Variants in ZW10 observed in about 807,000 individuals in gnomAD.
The protein encoded by ZW10 is centromere/kinetochore protein zw10 homolog.
In ZW10, 53 loss-of-function variants were observed where a neutral mutation model predicts 87.8. The ratio of observed to expected loss-of-function variants is 0.60; its 90% CI spans 0.48 to 0.76. The LOEUF is 0.76. Among genes scored for constraint, ZW10 ranks in the 30% least tolerant of loss-of-function variants. The probability of loss-of-function intolerance (pLI) is 0.00; values close to 1 mark genes in which losing one functional copy is unlikely to be tolerated. For missense variants in ZW10, 837 were observed against 923.0 expected (o/e 0.91, Z 1.21); for synonymous variants, 312 against 329.2 (o/e 0.95, Z 0.57).
At chr11:113,737,366 C>T (rs1953565067) in intron 14 of ZW10, among the ~76,000 whole-genome samples, 1 of 151,504 alleles carries the variant, frequency 6.6e-6, no homozygotes, top group African/African-American at 2.4e-5. Context: ...AGATGGTAGG[C>T]TGAGAAATAG....
chr11:113,766,822 G>C (rs562937858), intron 2 of ZW10, among the ~76,000 whole-genome samples: 1 of 149,824 alleles, frequency 6.7e-6, no homozygotes, highest in Non-Finnish European at 1.5e-5. Context: ...TTTGAGACTA[G>C]TCTGGCCAAC....
intron 7 of ZW10, among the ~76,000 whole-genome samples, chr11:113,750,407 G>A (rs543181517): frequency 6.6e-5 from 10 of 151,872 alleles, no homozygotes; most frequent in South Asian, 2.1e-4. Flanking sequence ...GGGTTCAAGC[G>A]ATTCTCCTTC....
chr11:113,747,994 T>C (rs949166669), intron 8 of ZW10, among the ~76,000 whole-genome samples: 10 of 151,980 alleles, frequency 6.6e-5, no homozygotes, highest in African/African-American at 1.2e-4. Context: ...AAGCAAAAAG[T>C]AAAATGTCAC....
rs1953576534 is a variant in ZW10 at position 113,738,391 on chromosome 11, G to A, written c.1757C>T (p.Thr586Ile). Residue 586 changes from threonine to isoleucine, a missense_variant, in exon 13 of 16, where the codon ACA (threonine) becomes ATA (isoleucine). Transcript: ENST00000200135. Reference sequence around the variant, plus strand: ...CCGCATTTGGGCCAAAAAGCATTCTGTCCCTATGATGGAAAAACAGAATAA... The same window carrying A: ...CCGCATTTGGGCCAAAAAGCATTCTATCCCTATGATGGAAAAACAGAATAA... ...DLVPGFRRLG[T>I]ECFLAQMRAQ... 6.2e-7 allele frequency: 1 copy of A among 1,609,826 alleles called. No homozygotes were observed. Among genetic ancestry groups the A allele is most frequent in the East Asian group, 2.2e-5 (1 of 44,766 alleles).
chr11:113,754,789 C>T (rs1018965818), intron 7 of ZW10, among the ~76,000 whole-genome samples: 6 of 151,934 alleles, frequency 3.9e-5, no homozygotes, highest in Admixed American at 1.3e-4. Context: ...GGCCAGGTAT[C>T]GCTATGTTAC....
chr11:113,770,537 C>T (rs1404247335), intron 1 of ZW10: 1 of 151,834 alleles, frequency 6.6e-6, no homozygotes, highest in Non-Finnish European at 1.5e-5. Flanking sequence ...AATGATGCAT[C>T]CCGGCATTGT....
At chr11:113,756,750 C>T (rs1274050044) in intron 7 of ZW10, among the ~76,000 whole-genome samples, 1 of 152,176 alleles carries the variant, frequency 6.6e-6, no homozygotes, top group African/African-American at 2.4e-5. Context: ...TGGACCAAAT[C>T]ATCTCTCCAA....
At chr11:113,736,883 G>A in intron 14 of ZW10, 61 bp from the exon 15 acceptor site, 1 of 1,530,618 alleles carries the variant, frequency 6.5e-7, no homozygotes, top group Non-Finnish European at 9.0e-7. Flanking sequence ...AGTGGGGAAA[G>A]GGCAGCAGAT....
intron 3 of ZW10, 64 bp from the exon 4 acceptor site, chr11:113,760,654 T>C: frequency 7.2e-7 from 1 of 1,386,168 alleles, no homozygotes; most frequent in Non-Finnish European, 1.0e-6. Context: ...TTTTAAACAT[T>C]AAGAAATGCT....
chr11:113,752,828 GAA>G (rs764160042), intron 7 of ZW10, among the ~76,000 whole-genome samples: 3 of 152,144 alleles, frequency 2.0e-5, no homozygotes, highest in Admixed American at 6.5e-5. Context: ...GTGTTCAAGT[GAA>G]AGAGTCACAC....
chr11:113,737,752 G>T, intron 13 of ZW10, 49 bp from the exon 14 acceptor site: 1 of 1,536,690 alleles, frequency 6.5e-7, no homozygotes, highest in Non-Finnish European at 8.8e-7. Flanking sequence ...ACTGTGACTC[G>T]TATTTTCCAG....
chr11:113,739,465 G>T, intron 11 of ZW10, 83 bp from the exon 12 acceptor site: 1 of 1,237,426 alleles, frequency 8.1e-7, no homozygotes, highest in Non-Finnish European at 1.1e-6. Context: ...CTTCTCTAAT[G>T]TATTTCTAGG....
At chr11:113,756,210 G>A (rs1953783321) in intron 7 of ZW10, among the ~76,000 whole-genome samples, 1 of 152,120 alleles carries the variant, frequency 6.6e-6, no homozygotes, top group Admixed American at 6.5e-5. Flanking sequence ...CAGAGAAAAA[G>A]CCATGCAAAG....
intron 1 of ZW10, among the ~76,000 whole-genome samples, chr11:113,771,918 C>T (rs113762379): frequency 1.1e-4 from 16 of 152,178 alleles, no homozygotes; most frequent in Non-Finnish European, 1.9e-4. Context: ...CAAATTCCTA[C>T]GTAGTAAAGA....
rs752841384 is a variant in ZW10 at position 113,738,249 on chromosome 11, G to C, written c.1884+15C>G. The C allele has an allele frequency of 6.3e-7, 1 of 1,585,810 alleles. No individual in the cohort carries two copies. ...GGATAGAATACAAATTTCAGTGCTA[G>C]CAAGAGCCTCCTACCTGCCGGACTG... On this transcript the variant is annotated intron_variant, in intron 13 of 15. Transcript: ENST00000200135.
At chr11:113,770,511 A>C (rs1953953070) in intron 1 of ZW10, 1 of 151,854 alleles carries the variant, frequency 6.6e-6, no homozygotes, top group African/African-American at 2.4e-5. Flanking sequence ...CAACAGTTAA[A>C]GCCATTGTTT....
chr11:113,755,573 A>T (rs191033602), intron 7 of ZW10, among the ~76,000 whole-genome samples: 2 of 152,348 alleles, frequency 1.3e-5, no homozygotes, highest in African/African-American at 4.8e-5. Context: ...ACAACAAAGG[A>T]TTTAGAACAG....
chr11:113,760,667 C>T, intron 3 of ZW10, 77 bp from the exon 4 acceptor site: 3 of 1,270,508 alleles, frequency 2.4e-6, no homozygotes, highest in South Asian at 2.7e-5. Flanking sequence ...GAAATGCTCC[C>T]ACTTTCCCTC....
At chr11:113,758,728 A>G in intron 5 of ZW10, 22 bp from the exon 6 acceptor site, 1 of 1,612,840 alleles carries the variant, frequency 6.2e-7, no homozygotes, top group Non-Finnish European at 8.5e-7. Context: ...GAAGAAAAAT[A>G]TCAGCTGTCT....
Sources: allele counts gnomAD v4.1 joint callset (sites outside exome capture counted in the v4.1 genomes callset), GRCh38; gene constraint gnomAD v4.1.1; transcripts MANE v1.5; gene names NCBI Gene and HGNC (gene_info 2026-07-23, HGNC 2026-07-21).